Variants in CNTNAP5 observed in about 807,000 individuals in gnomAD.
CNTNAP5 encodes contactin-associated protein-like 5.
In CNTNAP5, 72 loss-of-function variants were observed where a neutral mutation model predicts 150.2. The observed-to-expected ratio is 0.48, with a 90% CI of 0.40 to 0.58. The LOEUF (loss-of-function observed/expected upper bound fraction) is 0.58, where lower values mean the gene tolerates loss of function less well. Ranked by LOEUF, CNTNAP5 falls within the 20% of genes least tolerant of loss-of-function variation. The pLI, the probability that CNTNAP5 is intolerant of heterozygous loss-of-function variation, is 0.00. For missense variants in CNTNAP5, 1,636 were observed against 1,626.2 expected, an observed-to-expected ratio of 1.01 and a Z score of -0.10; for synonymous variants, 672 against 619.8, an observed-to-expected ratio of 1.08 and a Z score of -1.25.
At chr2:124,270,656 T>C (rs1234266268) in intron 3 of CNTNAP5, among the ~76,000 whole-genome samples, 1 of 152,194 alleles carries the variant, frequency 6.6e-6, no homozygotes, top group African/African-American at 2.4e-5. Context: ...ATTTGGTCAT[T>C]TTAAGTTTGT....
At chr2:124,170,237 AAT>A (rs141418496) in intron 1 of CNTNAP5, among the ~76,000 whole-genome samples, 4 of 142,530 alleles carry the variant, frequency 2.8e-5, no homozygotes, top group African/African-American at 2.6e-5. Context: ...TTATGTCTTA[AAT>A]ATATATATAT....
intron 14 of CNTNAP5, among the ~76,000 whole-genome samples, chr2:124,762,105 C>T (rs534141467): frequency 6.6e-6 from 1 of 152,138 alleles, no homozygotes; most frequent in South Asian, 2.1e-4. Context: ...GAAAAGATAC[C>T]GGAATGTGGA....
chr2:124,426,287 T>C (rs1007835078), intron 4 of CNTNAP5, among the ~76,000 whole-genome samples: 3 of 152,186 alleles, frequency 2.0e-5, no homozygotes, highest in African/African-American at 7.2e-5. Flanking sequence ...TTTGGAAACT[T>C]TCCTCATTTT....
intron 3 of CNTNAP5, among the ~76,000 whole-genome samples, chr2:124,262,675 G>C (rs1432115218): frequency 6.7e-6 from 1 of 150,362 alleles, no homozygotes; most frequent in Non-Finnish European, 1.5e-5. Flanking sequence ...AATACTTTAA[G>C]TTCTAGGGTA....
In CNTNAP5 at chr2:124,753,890, C is replaced by A. The variant is rs1197020013; in HGVS notation, c.2234+6505C>A. On this transcript the variant is annotated intron_variant, in intron 14 of 23. Transcript: ENST00000682447. ...TTAAAAAGTAGTTACAAGTGAACTT[C>A]CTGTTCCAAAAGTTATCTTTGTATA... 3.9e-5 allele frequency among the ~76,000 whole-genome samples: 6 copies of A among 152,160 alleles called. No homozygotes were observed. In the South Asian group the frequency reaches 1.2e-3, roughly 32 times the overall value.
At chr2:124,039,182 T>A (rs1393013586) in intron 1 of CNTNAP5, among the ~76,000 whole-genome samples, 2 of 152,210 alleles carry the variant, frequency 1.3e-5, no homozygotes, top group Non-Finnish European at 2.9e-5. Flanking sequence ...GGTTAATAGC[T>A]GTTTGTATTT....
chr2:124,866,341 A>T (rs1233163802), intron 20 of CNTNAP5, among the ~76,000 whole-genome samples: 1 of 152,124 alleles, frequency 6.6e-6, no homozygotes, highest in Admixed American at 6.6e-5. Flanking sequence ...TGGAAGGGGG[A>T]AAGCAGCAGG....
intron 3 of CNTNAP5, among the ~76,000 whole-genome samples, chr2:124,364,681 A>G (rs938127080): frequency 8.5e-5 from 13 of 152,370 alleles, no homozygotes; most frequent in Middle Eastern, 6.8e-3. Flanking sequence ...AAAGCAAGAA[A>G]GAGATATCAT....
chr2:124,399,635 G>A (rs1011991775), intron 3 of CNTNAP5, among the ~76,000 whole-genome samples: 1 of 151,954 alleles, frequency 6.6e-6, no homozygotes, highest in African/African-American at 2.4e-5. Flanking sequence ...TTATTCTCTG[G>A]TCAATTAAAT....
At chr2:124,726,485 T>C (rs1680159824) in intron 13 of CNTNAP5, among the ~76,000 whole-genome samples, 1 of 152,066 alleles carries the variant, frequency 6.6e-6, no homozygotes. Context: ...TTTCCTAAGT[T>C]CTCCCCAGCC....
chr2:124,708,383 T>G (rs1385376366), intron 13 of CNTNAP5, among the ~76,000 whole-genome samples: 2 of 152,076 alleles, frequency 1.3e-5, no homozygotes, highest in Admixed American at 6.6e-5. Flanking sequence ...AGCTCAATCA[T>G]TGGTAGTTCT....
At chr2:124,571,739 T>A (rs896289959) in intron 11 of CNTNAP5, among the ~76,000 whole-genome samples, 1 of 151,388 alleles carries the variant, frequency 6.6e-6, no homozygotes, top group African/African-American at 2.4e-5. Flanking sequence ...ACCATGTAGA[T>A]CAGGCTGGTC....
intron 3 of CNTNAP5, among the ~76,000 whole-genome samples, chr2:124,340,132 C>T (rs796437711): frequency 6.6e-6 from 1 of 152,098 alleles, no homozygotes; most frequent in Non-Finnish European, 1.5e-5. Context: ...ATTATTTTTA[C>T]AAAGGGAGAT....
At chr2:124,223,750 G>A (rs897688388) in intron 2 of CNTNAP5, among the ~76,000 whole-genome samples, 4 of 151,316 alleles carry the variant, frequency 2.6e-5, no homozygotes, top group African/African-American at 7.3e-5. Context: ...ATAATTTTTC[G>A]GCTCACCGGG....
At chr2:124,071,485 C>T (rs1682303437) in intron 1 of CNTNAP5, among the ~76,000 whole-genome samples, 1 of 151,608 alleles carries the variant, frequency 6.6e-6, no homozygotes, top group Non-Finnish European at 1.5e-5. Flanking sequence ...AGAGAAGACC[C>T]AGATAAATAA....
At chr2:124,034,472 A>G (rs1681155577) in intron 1 of CNTNAP5, among the ~76,000 whole-genome samples, 6 of 152,210 alleles carry the variant, frequency 3.9e-5, no homozygotes. Context: ...TAAACAGACA[A>G]TGAGTAGAGT....
chr2:124,708,745 T>C (rs1679746368), intron 13 of CNTNAP5, among the ~76,000 whole-genome samples: 1 of 152,076 alleles, frequency 6.6e-6, no homozygotes, highest in Non-Finnish European at 1.5e-5. Flanking sequence ...GGCGGTGGAT[T>C]CCCCCATCAT....
At chr2:124,481,235 C>A (rs1460060567) in intron 7 of CNTNAP5, among the ~76,000 whole-genome samples, 5 of 152,180 alleles carry the variant, frequency 3.3e-5, no homozygotes, top group African/African-American at 1.2e-4. Context: ...AATCCCAAGA[C>A]CTCATGACCT....
At chr2:124,360,692 G>C (rs1258091381) in intron 3 of CNTNAP5, among the ~76,000 whole-genome samples, 1 of 123,980 alleles carries the variant, frequency 8.1e-6, no homozygotes, top group Non-Finnish European at 1.7e-5. Flanking sequence ...TTAGTCTGAT[G>C]GGCTTCCCTT....
Sources: gnomAD v4.1 joint callset for allele counts (sites outside exome capture counted in the v4.1 genomes callset) on GRCh38, gnomAD v4.1.1 for gene constraint, MANE v1.5 for transcripts, NCBI Gene and HGNC (gene_info 2026-07-23, HGNC 2026-07-21) for gene names.